CNGB1: variants seen among roughly 807,000 people sequenced by gnomAD.
CNGB1 encodes the protein cyclic nucleotide-gated channel beta-1.
Under a neutral mutation model 151.7 loss-of-function variants are expected in CNGB1, and 126 were observed. That is an observed-to-expected ratio of 0.83 (90% CI 0.72 to 0.96). The LOEUF (loss-of-function observed/expected upper bound fraction) is 0.96. Ranked by LOEUF, CNGB1 falls within the 40% of genes least tolerant of loss-of-function variation. The pLI, the probability that CNGB1 is intolerant of heterozygous loss-of-function variation, is 0.00. For missense variants in CNGB1, 1,698 were observed against 1,627.0 expected, an observed-to-expected ratio of 1.04 and a Z score of -0.75; for synonymous variants, 623 against 635.1, an observed-to-expected ratio of 0.98 and a Z score of 0.29.
At chr16:57,962,434 G>A (rs1017889340) in intron 7 of CNGB1, 131 bp downstream of exon 7, 11 of 827,188 alleles carry the variant, frequency 1.3e-5, no homozygotes, top group African/African-American at 3.3e-5. Flanking sequence ...CTGGAAACAG[G>A]CCCAGAAGAG....
chr16:57,888,196 G>C, intron 31 of CNGB1, 122 bp from the exon 32 acceptor site: 1 of 1,047,300 alleles, frequency 9.5e-7, no homozygotes, highest in South Asian at 1.3e-5. Flanking sequence ...GGTGATTGTA[G>C]AGAGTTTTTT....
At chr16:57,915,433 T>G (rs1596974421) in intron 22 of CNGB1, 98 bp from the exon 23 acceptor site, 1 of 962,206 alleles carries the variant, frequency 1.0e-6, no homozygotes, top group African/African-American at 1.6e-5. Flanking sequence ...CATGGAAAGG[T>G]GAGGTCAGAA....
At chr16:57,936,720 G>A (rs1433584232) in intron 16 of CNGB1, among the ~76,000 whole-genome samples, 1 of 152,128 alleles carries the variant, frequency 6.6e-6, no homozygotes, top group Non-Finnish European at 1.5e-5. Context: ...GGGAGGCAGA[G>A]GTTGCAGTGA....
Position 57,940,243 on chromosome 16 carries a change from A to G in CNGB1, c.1200T>C (p.Thr400=). ...SEEDGTRPQS[T]SDQKLWEEVG... ...CTGGTGCTTCTCATACCTGATCTGAAGTGCTCTGGGGCCGGGTCCCGTCTT... is the reference window on the plus strand; with the variant it reads ...CTGGTGCTTCTCATACCTGATCTGAGGTGCTCTGGGGCCGGGTCCCGTCTT... The change falls in exon 15 of 33, where the codon ACT becomes ACC. Residue 400 remains threonine (T), a synonymous_variant. Transcript: ENST00000251102. The G allele has an allele frequency of 6.4e-7, 1 of 1,568,258 alleles. No homozygotes were observed. Among genetic ancestry groups the G allele is most frequent in the East Asian group, 2.3e-5 (1 of 42,892 alleles).
At chr16:57,910,673 CTTTTTTTTTT>C (rs56363726) in intron 25 of CNGB1, among the ~76,000 whole-genome samples, 3 of 104,326 alleles carry the variant, frequency 2.9e-5, no homozygotes, top group African/African-American at 1.2e-4. Context: ...CAAGCCCGGC[CTTTTTTTTTT>C]TTTTTTTTTT....
In CNGB1 at chr16:57,901,614, GC is replaced by G. The variant is rs1189454389; in HGVS notation, c.2805del (p.Glu935AspfsTer2). ...ATCTTGTCTGGAAGCTGCACCATCA[GC>G]TCTGACTCATCTGTGAACAAGGCCT... ...WHSQGMLDES[E>X]LMVQLPDKMR... On this transcript the variant is annotated frameshift_variant, in exon 28 of 33. Coordinates refer to ENST00000251102, the MANE Select transcript of CNGB1 (RefSeq NM_001297.5). LOFTEE classifies it high-confidence loss of function. The G allele has an allele frequency of 3.1e-6, 5 of 1,613,870 alleles. No individual in the cohort carries two copies. The highest frequency in any genetic ancestry group is 2.7e-5 in the African/African-American group (2 of 75,042).
At chr16:57,917,620 GTATAT>G in intron 20 of CNGB1, 144 bp from the exon 21 acceptor site, 1 of 657,040 alleles carries the variant, frequency 1.5e-6, no homozygotes, top group Non-Finnish European at 2.7e-6. Flanking sequence ...GTGTGTGTGT[GTATAT>G]ATACACACAC....
intron 25 of CNGB1, among the ~76,000 whole-genome samples, chr16:57,906,607 C>T (rs958405357): frequency 2.0e-5 from 3 of 152,330 alleles, no homozygotes; most frequent in East Asian, 3.9e-4. Flanking sequence ...GTCAAGCCCC[C>T]GTCATACTGG....
At position 57,957,851 on chromosome 16, in the gene CNGB1, A is replaced by C. The variant is rs1021285550; in HGVS notation, c.838-474T>G. Among the ~76,000 whole-genome samples the C allele has an allele frequency of 9.2e-5, 14 of 152,232 alleles. 1 individual carries two copies. Among genetic ancestry groups the C allele is most frequent in the African/African-American group, 3.4e-4 (14 of 41,466 alleles). ...CTGAGAGGGCCAGAGCTGAGGCCAC[A>C]CAGCCAGGAGAGAGATTAGGCCTCC... On this transcript the variant is annotated intron_variant, in intron 11 of 32. Transcript: ENST00000251102.
intron 19 of CNGB1, 71 bp downstream of exon 19, chr16:57,920,316 G>T (rs1246293496): frequency 6.4e-7 from 1 of 1,562,090 alleles, no homozygotes; most frequent in Non-Finnish European, 8.8e-7. Flanking sequence ...CCCTTGCCAT[G>T]AGTTGACAGG....
At position 57,904,213 on chromosome 16, in the gene CNGB1, G is replaced by A. The variant is rs555633033; in HGVS notation, c.2635-232C>T. ...AGGGAGGGAGACTGCCAGCCCCTTG[G>A]TGGCCTCAGGTCCCTGGGACCACAC... On this transcript the variant is annotated intron_variant, in intron 26 of 32. Transcript: ENST00000251102. 1.3e-3 allele frequency among the ~76,000 whole-genome samples: 191 copies of A among 152,258 alleles called. 1 individual carries two copies. The highest frequency in any genetic ancestry group is 5.3e-4 in the Non-Finnish European group (36 of 68,020).
In CNGB1 at chr16:57,957,377, C is replaced by T. The variant is rs914509294; in HGVS notation, c.838G>A (p.Glu280Lys). The change falls in exon 12 of 33, where the codon GAG (glutamate) becomes AAG (lysine). Residue 280 changes from glutamate (E) to lysine (K), a missense_variant and splice_region_variant. Glu to Lys is a moderately conservative substitution (Grantham distance 56). Transcript: ENST00000251102. ...TCACATATCCCAGGGGAGTCAGGCT[C>T]CTGCATGGAGAGAGAAAAAAGGGAA... is the stretch of plus-strand genomic sequence containing the variant. ...PVLHGKIGEQ[E>K]PDSPGICDVQ... is the part of the protein sequence containing the mutation. 6.2e-6 allele frequency: 10 copies of T among 1,613,926 alleles called. No homozygotes were observed. In the African/African-American group the frequency reaches 1.3e-4, roughly 22 times the overall value.
intron 17 of CNGB1, among the ~76,000 whole-genome samples, chr16:57,930,860 GT>G (rs1256554691): frequency 1.3e-5 from 2 of 152,144 alleles, no homozygotes; most frequent in African/African-American, 4.8e-5. Context: ...CGGGGCTGGG[GT>G]GGGGGTGAAG....
At chr16:57,912,011 G>T in intron 24 of CNGB1, 136 bp from the exon 25 acceptor site, 1 of 1,200,886 alleles carries the variant, frequency 8.3e-7, no homozygotes, top group Non-Finnish European at 1.2e-6. Flanking sequence ...GTTAGGAAGG[G>T]TGGTGCTTGA....
chr16:57,884,467 A>G lies in CNGB1; in HGVS notation c.3463-10T>C, dbSNP rs1202679992. 1.2e-6 allele frequency: 2 copies of G among 1,613,312 alleles called. No homozygotes were observed. Among genetic ancestry groups the G allele is most frequent in the Non-Finnish European group, 1.7e-6 (2 of 1,179,772 alleles). ...CTTGCGAGCTCTTGGCCTGGAATCC[A>G]GAAAGGGTGACTCGTGAGGCACAGA... On this transcript the variant is annotated splice_polypyrimidine_tract_variant and intron_variant, in intron 32 of 32. Coordinates refer to ENST00000251102, the MANE Select transcript of CNGB1 (RefSeq NM_001297.5).
chr16:57,939,643 T>C (rs1296900504), intron 15 of CNGB1, 51 bp from the exon 16 acceptor site: 1 of 1,611,394 alleles, frequency 6.2e-7, no homozygotes, highest in Non-Finnish European at 8.5e-7. Flanking sequence ...CCCCCAGCCC[T>C]AGTCTCAGCA....
At chr16:57,957,059 C>T (rs1181568621) in intron 12 of CNGB1, among the ~76,000 whole-genome samples, 1 of 152,164 alleles carries the variant, frequency 6.6e-6, no homozygotes. Flanking sequence ...CTGACTTAGC[C>T]CTGGGACTGT....
Position 57,887,882 on chromosome 16 carries a change from A to C in CNGB1, c.3435T>G (p.Ala1145=), listed in dbSNP as rs1392506519. The change falls in exon 32 of 33, where the codon GCT becomes GCG. Residue 1145 remains alanine (A), a synonymous_variant. Coordinates refer to ENST00000251102, the MANE Select transcript of CNGB1 (RefSeq NM_001297.5). ...GTTCCACCAACTCTTGCTGCTTTGC[A>C]GCCGCCTCCAGCGCGGCCAGTTCTT... ...RLKELAALEA[A]AKQQELVEQA... is the part of the protein sequence containing the mutation. 6.2e-7 allele frequency: 1 copy of C among 1,614,208 alleles called. No homozygotes were observed. The highest frequency in any genetic ancestry group is 2.2e-5 in the East Asian group (1 of 44,882).
At chr16:57,946,469 G>T (rs188452888) in intron 14 of CNGB1, 1 of 152,274 alleles carries the variant, frequency 6.6e-6, no homozygotes, top group African/African-American at 2.4e-5. Flanking sequence ...AGCCTGGGTC[G>T]GTGCATGCAA....
Sources: allele counts gnomAD v4.1 joint callset (sites outside exome capture counted in the v4.1 genomes callset), GRCh38; gene constraint gnomAD v4.1.1; transcripts MANE v1.5; gene names NCBI Gene and HGNC (gene_info 2026-07-23, HGNC 2026-07-21).